Variants in MARCHF1 observed in about 807,000 individuals in gnomAD.
MARCHF1 encodes E3 ubiquitin-protein ligase MARCHF1.
MARCHF1 carries 40 observed loss-of-function variants against 54.2 expected under a neutral mutation model. The ratio of observed to expected loss-of-function variants is 0.74; its 90% CI spans 0.57 to 0.96. MARCHF1 has a LOEUF of 0.96. Ranked by LOEUF, MARCHF1 falls within the 40% of genes least tolerant of loss-of-function variation. MARCHF1 has a pLI of 0.00. For synonymous variants in MARCHF1, 236 were observed against 236.3 expected, an observed-to-expected ratio of 1.00 and a Z score of 0.01; for missense variants, 586 against 656.5, an observed-to-expected ratio of 0.89 and a Z score of 1.17.
Position 163,679,488 on chromosome 4 carries a change from CAG to C in MARCHF1, c.162+21323_162+21324del, listed in dbSNP as rs1744026693. ...TCTCTCCTGTCTACTCCTCAAACTCCAGAGTCTTCAACTCCTTACATAAGTGA... is the reference window on the plus strand; with the variant it reads ...TCTCTCCTGTCTACTCCTCAAACTCCAGTCTTCAACTCCTTACATAAGTGA... On this transcript the variant is annotated intron_variant, in intron 5 of 9. Transcript: ENST00000514618. Among the ~76,000 whole-genome samples the C allele has an allele frequency of 2.6e-5, 4 of 152,272 alleles. No homozygotes were observed. The South Asian group carries it at 8.3e-4, about 32-fold the overall frequency.
chr4:164,123,337 G>T (rs1034525376), intron 1 of MARCHF1, among the ~76,000 whole-genome samples: 2 of 151,968 alleles, frequency 1.3e-5, no homozygotes, highest in South Asian at 2.1e-4. Flanking sequence ...AATACTCCAC[G>T]TTTAAGGATT....
At chr4:164,253,017 C>A (rs1240911306) in intron 1 of MARCHF1, among the ~76,000 whole-genome samples, 1 of 151,798 alleles carries the variant, frequency 6.6e-6, no homozygotes, top group African/African-American at 2.4e-5. Context: ...CTGAAAAAGT[C>A]CAGTGTATCA....
At chr4:163,750,271 G>A (rs973377466) in intron 4 of MARCHF1, among the ~76,000 whole-genome samples, 6 of 152,018 alleles carry the variant, frequency 3.9e-5, no homozygotes, top group Non-Finnish European at 7.4e-5. Context: ...CAGCAATTTG[G>A]GAGGCCGAGG....
chr4:163,840,468 GGGTACAACT>G (rs1017163446), intron 4 of MARCHF1, among the ~76,000 whole-genome samples: 5 of 151,978 alleles, frequency 3.3e-5, no homozygotes, highest in African/African-American at 1.2e-4. Flanking sequence ...CTGAAGTTTG[GGGTACAACT>G]GATCCCAGCA....
chr4:164,090,321 G>A (rs1265758930), intron 2 of MARCHF1, among the ~76,000 whole-genome samples: 2 of 131,180 alleles, frequency 1.5e-5, no homozygotes, highest in African/African-American at 5.7e-5. Flanking sequence ...TATATTAAAG[G>A]CTCAAAAATG....
chr4:164,077,581 G>A (rs1239118924), intron 2 of MARCHF1, among the ~76,000 whole-genome samples: 8 of 152,204 alleles, frequency 5.3e-5, no homozygotes, highest in African/African-American at 1.9e-4. Context: ...AGTAGCATCA[G>A]AGTGAACAGG....
intron 1 of MARCHF1, among the ~76,000 whole-genome samples, chr4:164,310,924 CA>C (rs1421625065): frequency 1.3e-5 from 2 of 151,228 alleles, no homozygotes; most frequent in African/African-American, 4.8e-5. Context: ...AAAACTGAAA[CA>C]AACTCAATTT....
chr4:163,623,524 G>A (rs1480940200), intron 5 of MARCHF1, among the ~76,000 whole-genome samples: 1 of 152,122 alleles, frequency 6.6e-6, no homozygotes, highest in African/African-American at 2.4e-5. Context: ...TCTTGCACAA[G>A]CCTAAATGGG....
chr4:164,345,760 TGTG>T (rs1235855490), intron 1 of MARCHF1, among the ~76,000 whole-genome samples: 1 of 152,024 alleles, frequency 6.6e-6, no homozygotes, highest in Non-Finnish European at 1.5e-5. Context: ...TAGATATTGT[TGTG>T]GTATTTTATC....
intron 3 of MARCHF1, among the ~76,000 whole-genome samples, chr4:163,872,409 G>A (rs1301164055): frequency 6.6e-6 from 1 of 152,232 alleles, no homozygotes; most frequent in Non-Finnish European, 1.5e-5. Context: ...ATTCTTTGGA[G>A]AGTTGAAGCT....
At position 164,167,410 on chromosome 4, in the gene MARCHF1, TC is replaced by T. The variant is rs551614079; in HGVS notation, c.-322-55749del. ...CCTATCAAAATTCTAATGATGTCCT[TC>T]ACAAAAATAGAAAAACAAATCCTAA... On this transcript the variant is annotated intron_variant, in intron 1 of 9. Coordinates refer to ENST00000514618, the MANE Select transcript of MARCHF1 (RefSeq NM_001394959.1). Among the ~76,000 whole-genome samples, 17 of 151,868 alleles carry T rather than the reference TC, an allele frequency of 1.1e-4. 1 individual carries two copies. The South Asian group carries it at 3.5e-3, about 32-fold the overall frequency.
intron 5 of MARCHF1, among the ~76,000 whole-genome samples, chr4:163,690,098 C>T (rs929307275): frequency 2.0e-5 from 3 of 152,132 alleles, no homozygotes; most frequent in Non-Finnish European, 4.4e-5. Flanking sequence ...GGCCAGAGTT[C>T]TTCAGCTAAG....
At chr4:163,901,531 A>G (rs997727395) in intron 3 of MARCHF1, among the ~76,000 whole-genome samples, 2 of 152,094 alleles carry the variant, frequency 1.3e-5, no homozygotes, top group Non-Finnish European at 2.9e-5. Flanking sequence ...CTGAAGCTCT[A>G]TGGAGCACCC....
chr4:164,297,353 C>A (rs78236666), intron 1 of MARCHF1, among the ~76,000 whole-genome samples: 5,697 of 152,164 alleles, frequency 0.037, 177 homozygotes, highest in Non-Finnish European at 0.052. Context: ...TTGAGATTAA[C>A]CTTATTGGCA....
intron 1 of MARCHF1, among the ~76,000 whole-genome samples, chr4:164,221,901 G>T (rs1219654275): frequency 6.6e-6 from 1 of 151,928 alleles, no homozygotes; most frequent in East Asian, 1.9e-4. Flanking sequence ...GCCTAGTTTG[G>T]ATCAGTTATA....
rs1167366365 is a variant in MARCHF1 at position 164,141,964 on chromosome 4, G to GCAGGTCAGTGGGTGGGCA, written c.-322-30303_-322-30302insTGCCCACCCACTGACCTG. On this transcript the variant is annotated intron_variant, in intron 1 of 9. Transcript: ENST00000514618. The stretch of plus-strand genomic sequence containing the variant: ...AGTGGGCGCAGGTCAGTGGGTGGGC[G>GCAGGTCAGTGGGTGGGCA]CACCGTGAGCGAGCCAAAGTAGGGC... Among the ~76,000 whole-genome samples, 8 of 152,226 alleles carry GCAGGTCAGTGGGTGGGCA rather than the reference G, an allele frequency of 5.3e-5. No homozygotes were observed. In the South Asian group the frequency reaches 6.2e-4, roughly 12 times the overall value.
Position 163,552,957 on chromosome 4 carries a change from C to T in MARCHF1, c.1192-7214G>A, listed in dbSNP as rs548091381. Among the ~76,000 whole-genome samples, 10 of 148,906 alleles carry T rather than the reference C, an allele frequency of 6.7e-5. No homozygotes were observed. In the South Asian group the frequency reaches 8.4e-4, roughly 13 times the overall value. On this transcript the variant is annotated intron_variant, in intron 8 of 9. Transcript: ENST00000514618. ...CTGAGGCAGGAGAATGGCTTGAACC[C>T]GGGAGGCGGAGCTTGCAGTGAGCCG...
intron 3 of MARCHF1, among the ~76,000 whole-genome samples, chr4:163,886,031 A>AG: frequency 6.7e-6 from 1 of 148,376 alleles, no homozygotes. Flanking sequence ...AAAAAAAAAA[A>AG]TAGCCTGGTA....
chr4:163,589,872 A>C (rs866200756), intron 7 of MARCHF1, among the ~76,000 whole-genome samples: 1 of 152,144 alleles, frequency 6.6e-6, no homozygotes, highest in African/African-American at 2.4e-5. Context: ...TGACAGCTAC[A>C]TACAAGCTGA....
Sources: gnomAD v4.1 joint callset for allele counts (sites outside exome capture counted in the v4.1 genomes callset) on GRCh38, gnomAD v4.1.1 for gene constraint, MANE v1.5 for transcripts, NCBI Gene and HGNC (gene_info 2026-07-23, HGNC 2026-07-21) for gene names.